Variants in INTS10 observed in about 807,000 individuals in gnomAD.
The protein encoded by INTS10 is integrator complex subunit 10.
Under a neutral mutation model 94.4 loss-of-function variants are expected in INTS10, and 44 were observed. The observed-to-expected ratio is 0.47, with a 90% CI of 0.37 to 0.60. INTS10 has a LOEUF of 0.60. Among genes scored for constraint, INTS10 ranks in the 20% least tolerant of loss-of-function variants. INTS10 has a pLI of 0.00. For synonymous variants in INTS10, 341 were observed against 320.7 expected (o/e 1.06, Z -0.68); for missense variants, 797 against 868.7 (o/e 0.92, Z 1.04).
At position 19,826,572 on chromosome 8, in the gene INTS10, A is replaced by T. The variant is rs1448408887; in HGVS notation, c.1140+13A>T. 3.7e-6 allele frequency: 6 copies of T among 1,607,504 alleles called. No homozygotes were observed. The South Asian group carries it at 5.6e-5, about 15-fold the overall frequency. On this transcript the variant is annotated intron_variant, in intron 9 of 16. Transcript: ENST00000397977. ...AGAAAAAACCATGGTAAGGCTTTCA[A>T]ATATACTTATTAACAGATTGGATGG...
intron 4 of INTS10, chr8:19,822,172 T>C (rs1185648283): frequency 3.9e-6 from 1 of 256,848 alleles, no homozygotes; most frequent in Non-Finnish European, 7.4e-6. Context: ...GACATTTTGT[T>C]AATTCTTGTT....
chr8:19,825,544 A>G (rs2066728257), intron 8 of INTS10, among the ~76,000 whole-genome samples: 1 of 152,044 alleles, frequency 6.6e-6, no homozygotes, highest in Non-Finnish European at 1.5e-5. Context: ...AAAGAAAAAA[A>G]CAGCAGATGT....
At chr8:19,817,718 G>T in intron 1 of INTS10, 52 bp downstream of exon 1, 1 of 1,562,624 alleles carries the variant, frequency 6.4e-7, no homozygotes, top group Non-Finnish European at 8.7e-7. Flanking sequence ...GCGCGCTCCC[G>T]TCGCCCGGGC....
chr8:19,820,541 C>G (rs1389489163), intron 4 of INTS10, 23 bp downstream of exon 4: 2 of 1,593,864 alleles, frequency 1.3e-6, no homozygotes, highest in East Asian at 2.3e-5. Flanking sequence ...TCTTCCCCTT[C>G]TTTTAATATA....
chr8:19,850,340 T>G (rs2068928243), intron 16 of INTS10, among the ~76,000 whole-genome samples: 1 of 152,088 alleles, frequency 6.6e-6, no homozygotes, highest in Non-Finnish European at 1.5e-5. Context: ...TCCTAACTAC[T>G]GAGCTACCCA....
chr8:19,841,464 A>C (rs1296512374), intron 13 of INTS10, among the ~76,000 whole-genome samples: 5 of 152,198 alleles, frequency 3.3e-5, no homozygotes. Flanking sequence ...TCAGACCAAT[A>C]GGAAGCAATT....
At chr8:19,831,862 GTTTC>G (rs1446638249) in intron 10 of INTS10, among the ~76,000 whole-genome samples, 162 bp from the exon 11 acceptor site, 6 of 152,178 alleles carry the variant, frequency 3.9e-5, no homozygotes, top group Non-Finnish European at 8.8e-5. Context: ...AGTGTTGTAT[GTTTC>G]TTCTCTACTT....
intron 13 of INTS10, among the ~76,000 whole-genome samples, chr8:19,837,881 A>T (rs2067790198): frequency 6.6e-6 from 1 of 152,192 alleles, no homozygotes; most frequent in Non-Finnish European, 1.5e-5. Flanking sequence ...AGGAAGGTGA[A>T]CATAAATTAC....
chr8:19,845,987 A>G, intron 16 of INTS10, 190 bp downstream of exon 16: 1 of 474,928 alleles, frequency 2.1e-6, no homozygotes, highest in South Asian at 3.9e-5. Flanking sequence ...TTCTTAAAAC[A>G]CTTTGCTTAA....
At chr8:19,819,709 G>A (rs758762962) in intron 3 of INTS10, 33 bp downstream of exon 3, 1 of 1,466,008 alleles carries the variant, frequency 6.8e-7, no homozygotes, top group Non-Finnish European at 9.5e-7. Context: ...TACCATTTCG[G>A]GAATACCAAA....
At position 19,832,056 on chromosome 8, in the gene INTS10, G is replaced by T; in HGVS notation, c.1323G>T (p.Lys441Asn). ...KEFTRICLAW[K>N]TDTWLWLRIF... ...TTACAAGGATTTGCTTGGCCTGGAA[G>T]ACGGATACTTGGCTTTGGTTAAGAA... is the stretch of plus-strand genomic sequence containing the variant. The change falls in exon 11 of 17, where the codon AAG (lysine) becomes AAT (asparagine). Residue 441 changes from lysine (K) to asparagine (N), a missense_variant. By Grantham distance (94) the Lys-to-Asn change is moderately conservative. Coordinates refer to ENST00000397977, the MANE Select transcript of INTS10 (RefSeq NM_018142.4). The T allele has an allele frequency of 6.2e-7, 1 of 1,607,058 alleles. No homozygotes were observed. The highest frequency in any genetic ancestry group is 8.5e-7 in the Non-Finnish European group (1 of 1,173,462).
intron 12 of INTS10, among the ~76,000 whole-genome samples, chr8:19,836,078 G>C (rs1385427899): frequency 6.6e-6 from 1 of 151,958 alleles, no homozygotes. Context: ...CGGGTTGATA[G>C]GTGCAGCAAA....
intron 13 of INTS10, among the ~76,000 whole-genome samples, chr8:19,839,330 G>C (rs994726046): frequency 5.3e-5 from 8 of 152,166 alleles, no homozygotes; most frequent in Non-Finnish European, 1.0e-4. Context: ...ATAATCTGGA[G>C]ATTCTAGGCA....
Position 19,849,091 on chromosome 8 carries a change from G to C in INTS10, c.1977-2558G>C. 1 of 622,816 alleles carries C rather than the reference G, an allele frequency of 1.6e-6. No individual in the cohort carries two copies. Among genetic ancestry groups the C allele is most frequent in the Non-Finnish European group, 2.6e-6 (1 of 382,648 alleles). 38.6% of individuals were successfully genotyped at this position (622,816 alleles called of 1,614,324 possible). On this transcript the variant is annotated intron_variant, in intron 16 of 16. Transcript: ENST00000397977. This position sits in a 1 kb window ranked among gnomAD's most constrained non-coding sequence, Gnocchi z 4.6. ...CTTCTAGTCTTGTGTATTTTCTCTG[G>C]AGTGTTGTTTTTGCAGTGCAGGGTG...
chr8:19,839,798 C>G (rs971584777), intron 13 of INTS10, among the ~76,000 whole-genome samples: 1 of 152,112 alleles, frequency 6.6e-6, no homozygotes, highest in African/African-American at 2.4e-5. Context: ...CGCAGTGGCT[C>G]ACACCTCTAA....
At chr8:19,832,184 CA>C in intron 11 of INTS10, 74 bp downstream of exon 11, 1 of 820,480 alleles carries the variant, frequency 1.2e-6, no homozygotes, top group Non-Finnish European at 2.2e-6. Context: ...CTTTCCTATG[CA>C]GAATGTGTCA....
Position 19,849,275 on chromosome 8 carries a change from T to G in INTS10, c.1977-2374T>G, listed in dbSNP as rs757732131. ...GAATCAACGCCCGCTCATAGTGTGC[T>G]GTTTGTCAACATGTTCGCTGCCCAT... On this transcript the variant is annotated intron_variant, in intron 16 of 16. Coordinates refer to ENST00000397977, the MANE Select transcript of INTS10 (RefSeq NM_018142.4). The surrounding 1 kb of genome is among the most constrained non-coding windows in gnomAD (Gnocchi z 4.6). 8.7e-7 allele frequency: 1 copy of G among 1,155,772 alleles called. No individual in the cohort carries two copies. Among genetic ancestry groups the G allele is most frequent in the South Asian group, 1.3e-5 (1 of 77,700 alleles). 71.6% of individuals were successfully genotyped at this position (1,155,772 alleles called of 1,614,324 possible).
chr8:19,846,025 CT>C lies in INTS10; in HGVS notation c.1976+233del. On this transcript the variant is annotated intron_variant, in intron 16 of 16. Transcript: ENST00000397977. The surrounding 1 kb of genome is among the most constrained non-coding windows in gnomAD (Gnocchi z 4.2). The stretch of plus-strand genomic sequence containing the variant: ...TGGGGTATTTTTGTCACATTTGCAA[CT>C]TTTTCACTAGACAAAAGTCTCATTC... The C allele has an allele frequency of 2.3e-6, 1 of 437,184 alleles. No homozygotes were observed. 27.1% of individuals were successfully genotyped at this position (437,184 alleles called of 1,614,324 possible). A position where few individuals can be genotyped will look rare whatever the true frequency, so the allele number is the denominator to read the frequency against.
At chr8:19,824,133 G>A (rs555322142) in intron 7 of INTS10, 89 bp downstream of exon 7, 808 of 1,202,446 alleles carry the variant, frequency 6.7e-4, no homozygotes, top group Non-Finnish European at 8.6e-4. Context: ...TGTGTAATGC[G>A]TAGGTATAGT....
Sources: gnomAD v4.1 joint callset for allele counts (sites outside exome capture counted in the v4.1 genomes callset) on GRCh38, gnomAD v4.1.1 for gene constraint, Gnocchi (gnomAD v3.1) non-coding constraint, MANE v1.5 for transcripts, NCBI Gene and HGNC (gene_info 2026-07-23, HGNC 2026-07-21) for gene names.